CFTR: variants seen among roughly 807,000 people sequenced by gnomAD.
CFTR encodes the protein cystic fibrosis transmembrane conductance regulator.
CFTR carries 181 observed loss-of-function variants against 171.6 expected under a neutral mutation model. That is an observed-to-expected ratio of 1.05 (90% CI 0.93 to 1.19). The LOEUF (loss-of-function observed/expected upper bound fraction) is 1.19, where lower values mean the gene tolerates loss of function less well. CFTR is among the 50% of genes most tolerant of loss of function. CFTR has a pLI of 0.00. For synonymous variants in CFTR, 583 were observed against 608.0 expected (o/e 0.96, Z 0.60); for missense variants, 1,968 against 1,734.7 (o/e 1.13, Z -2.39).
Position 117,659,020 on chromosome 7 carries a change from C to T in CFTR, c.3964-5668C>T, listed in dbSNP as rs538692655. Among the ~76,000 whole-genome samples the T allele has an allele frequency of 3.3e-5, 5 of 152,326 alleles. No homozygotes were observed. The East Asian group carries it at 5.8e-4, about 18-fold the overall frequency. On this transcript the variant is annotated intron_variant, in intron 24 of 26. Coordinates refer to ENST00000003084, the MANE Select transcript of CFTR (RefSeq NM_000492.4). ...GATTTTGTCTTTGTTTGGCTTTCTA[C>T]ACTCACTGCCCAACTTCCCCTTACT...
chr7:117,643,388 C>T (rs1258302933), intron 23 of CFTR, among the ~76,000 whole-genome samples: 1 of 152,074 alleles, frequency 6.6e-6, no homozygotes, highest in African/African-American at 2.4e-5. Flanking sequence ...TAATACTACT[C>T]TACTTTTTAC....
At chr7:117,606,796 A>G (rs2116070095) in intron 18 of CFTR, 43 bp downstream of exon 18, 1 of 1,076,320 alleles carries the variant, frequency 9.3e-7, no homozygotes, top group African/African-American at 1.5e-5. Context: ...GTATTATTAA[A>G]AAAACAATAA....
chr7:117,513,117 C>A (rs976691806), intron 3 of CFTR, among the ~76,000 whole-genome samples: 1 of 151,976 alleles, frequency 6.6e-6, no homozygotes, highest in Non-Finnish European at 1.5e-5. Flanking sequence ...TGACAGGAGG[C>A]AGATTGATAA....
At chr7:117,490,312 T>TACACACACACACACAC (rs3034759) in intron 1 of CFTR, among the ~76,000 whole-genome samples, 17 of 136,882 alleles carry the variant, frequency 1.2e-4, no homozygotes, top group Middle Eastern at 3.7e-3. Context: ...GAACCAATGA[T>TACACACACACACACAC]ACACACACAC....
chr7:117,558,990 G>A (rs991036336), intron 10 of CFTR, among the ~76,000 whole-genome samples: 1 of 152,098 alleles, frequency 6.6e-6, no homozygotes, highest in Non-Finnish European at 1.5e-5. Context: ...CTCCAAGAAA[G>A]GCTCATGGGA....
chr7:117,504,071 T>C (rs1562882630), intron 1 of CFTR, among the ~76,000 whole-genome samples, 182 bp from the exon 2 acceptor site: 1 of 152,186 alleles, frequency 6.6e-6, no homozygotes, highest in African/African-American at 2.4e-5. Context: ...GAGATATTGA[T>C]GTTTTATACA....
intron 2 of CFTR, among the ~76,000 whole-genome samples, chr7:117,508,714 T>C (rs544037252): frequency 6.6e-6 from 1 of 152,374 alleles, no homozygotes; most frequent in African/African-American, 2.4e-5. Context: ...AGCACAGCAA[T>C]GAGCATTCGT....
intron 15 of CFTR, among the ~76,000 whole-genome samples, chr7:117,601,876 T>C (rs1477583919): frequency 6.6e-6 from 1 of 152,178 alleles, no homozygotes; most frequent in African/African-American, 2.4e-5. Context: ...TTAAAAAGGT[T>C]TTTTGTTTGT....
rs397508394 is a variant in CFTR at position 117,594,986 on chromosome 7, C to A, written c.2547C>A (p.Tyr849Ter). The change falls in exon 15 of 27, where the codon TAC becomes TAA. Residue 849 changes from tyrosine to a stop codon, truncating the protein, a stop_gained. Transcript: ENST00000003084. LOFTEE classifies it high-confidence loss of function. ...CAGCAGTGACTACATGGAACACATA[C>A]CTTCGATATATTACTGTCCACAAGA... The part of the protein sequence containing the change: ...SIPAVTTWNT[Y>*]LRYITVHKSL... 1 of 1,612,640 alleles carries A rather than the reference C, an allele frequency of 6.2e-7. No homozygotes were observed. The highest frequency in any genetic ancestry group is 8.5e-7 in the Non-Finnish European group (1 of 1,179,080).
intron 20 of CFTR, among the ~76,000 whole-genome samples, chr7:117,613,686 T>C (rs1175743059): frequency 6.6e-6 from 1 of 152,144 alleles, no homozygotes; most frequent in African/African-American, 2.4e-5. Flanking sequence ...TAATACTACA[T>C]GCAGATATAT....
At chr7:117,551,873 G>A (rs923531304) in intron 10 of CFTR, among the ~76,000 whole-genome samples, 7 of 152,056 alleles carry the variant, frequency 4.6e-5, no homozygotes, top group Non-Finnish European at 8.8e-5. Flanking sequence ...ACACCACCTT[G>A]TCTCTATTAT....
rs1321214345 is a variant in CFTR, at chr7:117,587,610, A to G, written c.1585-129A>G. On this transcript the variant is annotated intron_variant, in intron 11 of 26. Coordinates refer to ENST00000003084, the MANE Select transcript of CFTR (RefSeq NM_000492.4). Reference sequence around the variant, plus strand: ...TTGCATTTGAAATAATGGAGATGCAATGTTCAAAATTTCAACTGTGGTTAA... The same window carrying G: ...TTGCATTTGAAATAATGGAGATGCAGTGTTCAAAATTTCAACTGTGGTTAA... 26 of 619,152 alleles carry G rather than the reference A, an allele frequency of 4.2e-5. No individual in the cohort carries two copies. The East Asian group carries it at 6.7e-4, about 16-fold the overall frequency. The allele number at this position is 619,152 out of a possible 1,614,324, so 38.4% of individuals were successfully genotyped here. A position where few individuals can be genotyped will look rare whatever the true frequency, so the allele number is the denominator to read the frequency against.
rs10229820 is a variant in CFTR, at chr7:117,548,628, G to T, written c.1210-13G>T. ...TTGATGTGTGTGTGTGTGTGTGTGTGTTTTTTTAACAGGGATTTGGGGAAT... is the reference window on the plus strand; with the variant it reads ...TTGATGTGTGTGTGTGTGTGTGTGTTTTTTTTTAACAGGGATTTGGGGAAT... On this transcript the variant is annotated splice_polypyrimidine_tract_variant and intron_variant, in intron 9 of 26. Transcript: ENST00000003084. The T allele has an allele frequency of 0.079, 122,513 of 1,542,054 alleles. 4,489 individuals carry two copies. Among genetic ancestry groups the T allele is most frequent in the African/African-American group, 0.13 (8,565 of 67,502 alleles).
At chr7:117,565,796 G>C (rs1446371096) in intron 11 of CFTR, among the ~76,000 whole-genome samples, 1 of 152,060 alleles carries the variant, frequency 6.6e-6, no homozygotes, top group Non-Finnish European at 1.5e-5. Flanking sequence ...AATTGGGAGG[G>C]AAGCTGAGAA....
intron 3 of CFTR, among the ~76,000 whole-genome samples, chr7:117,522,724 T>C (rs776063852): frequency 6.6e-6 from 1 of 152,178 alleles, no homozygotes; most frequent in Non-Finnish European, 1.5e-5. Context: ...TCAGCTTTCT[T>C]GTACCAAGAA....
chr7:117,642,626 A>G lies in CFTR; in HGVS notation c.3873+33A>G, dbSNP rs397508622. On this transcript the variant is annotated intron_variant, in intron 23 of 26. Coordinates refer to ENST00000003084, the MANE Select transcript of CFTR (RefSeq NM_000492.4). ...AAAGGACTTAGCCAGAAAAAAGGCA[A>G]CTAAATTATATTTTTTACTGCTATT... 3 of 1,607,712 alleles carry G rather than the reference A, an allele frequency of 1.9e-6. No homozygotes were observed. Among genetic ancestry groups the G allele is most frequent in the Non-Finnish European group, 2.6e-6 (3 of 1,175,564 alleles).
rs1792125661 is a variant in CFTR at position 117,596,383 on chromosome 7, C to A, written c.2619+1325C>A. On this transcript the variant is annotated intron_variant, in intron 15 of 26. Transcript: ENST00000003084. Reference sequence around the variant, plus strand: ...CTGCAGCCTGCCATGCCTGAGCCTCCCCCCAACCTGCCGCTGCAGTGGGCT... The same window carrying A: ...CTGCAGCCTGCCATGCCTGAGCCTCACCCCAACCTGCCGCTGCAGTGGGCT... Among the ~76,000 whole-genome samples the A allele has an allele frequency of 2.0e-5, 3 of 152,348 alleles. No homozygotes were observed. The South Asian group carries it at 6.2e-4, about 32-fold the overall frequency.
rs1200739289 is a variant in CFTR at position 117,611,785 on chromosome 7, C to A, written c.3344C>A (p.Thr1115Asn). 1 of 1,611,906 alleles carries A rather than the reference C, an allele frequency of 6.2e-7. No homozygotes were observed. The highest frequency in any genetic ancestry group is 2.2e-5 in the East Asian group (1 of 44,850). Reference sequence around the variant, plus strand: ...TTTGTCATCTTCTTCATTGCTGTTACCTTCATTTCCATTTTAACAACAGGT... The same window carrying A: ...TTTGTCATCTTCTTCATTGCTGTTAACTTCATTTCCATTTTAACAACAGGT... ...MIFVIFFIAV[T>N]FISILTTGEG... The change falls in exon 20 of 27, where the codon ACC (threonine) becomes AAC (asparagine). Residue 1115 changes from threonine (T) to asparagine (N), a missense_variant. Thr to Asn is a moderately conservative substitution (Grantham distance 65, BLOSUM62 0). Transcript: ENST00000003084.
intron 18 of CFTR, 86 bp downstream of exon 18, chr7:117,606,839 A>G: frequency 1.2e-6 from 1 of 863,154 alleles, no homozygotes; most frequent in South Asian, 1.3e-5. Context: ...TTCATTTTTT[A>G]TTTGATTGAG....
Sources: allele counts gnomAD v4.1 joint callset (sites outside exome capture counted in the v4.1 genomes callset), GRCh38; gene constraint gnomAD v4.1.1; transcripts MANE v1.5; gene names NCBI Gene and HGNC (gene_info 2026-07-23, HGNC 2026-07-21).